FAAH2: variants seen among roughly 807,000 people sequenced by gnomAD.
FAAH2 encodes fatty acid amide hydrolase 2.
In FAAH2, 60 loss-of-function variants were observed where a neutral mutation model predicts 36.9. The ratio of observed to expected loss-of-function variants is 1.63; its 90% confidence interval spans 1.32 to 2.02. The LOEUF (loss-of-function observed/expected upper bound fraction) is 2.02. Ranked by LOEUF, FAAH2 falls within the 30% of genes most tolerant of loss-of-function variation. FAAH2 has a pLI of 0.00. For synonymous variants in FAAH2, 214 were observed against 143.8 expected (o/e 1.49, Z -3.49); for missense variants, 689 against 397.5 (o/e 1.73, Z -6.23).
intron 7 of FAAH2, among the ~76,000 whole-genome samples, chrX:57,407,043 C>G (rs765163447): frequency 8.9e-6 from 1 of 112,032 alleles, no homozygotes; most frequent in East Asian, 2.8e-4. Context: ...AGCATTGTAC[C>G]TGTGTTTCCT....
the FAAH2 span, among the ~76,000 whole-genome samples, chrX:57,208,912 C>T: frequency 1.8e-5 from 2 of 111,851 alleles, no homozygotes; most frequent in Non-Finnish European, 3.8e-5. Flanking sequence ...CCATGTGTTC[C>T]TTGCCCTCAT....
the FAAH2 span, among the ~76,000 whole-genome samples, chrX:57,144,283 G>A: frequency 9.1e-6 from 1 of 110,414 alleles, no homozygotes; most frequent in Non-Finnish European, 1.9e-5. Flanking sequence ...TATATGCCTT[G>A]CAGTCATCTT....
At chrX:57,222,794 T>C in the FAAH2 span, among the ~76,000 whole-genome samples, 1 of 111,556 alleles carries the variant, frequency 9.0e-6, no homozygotes, top group African/African-American at 3.3e-5. Context: ...TGTTCAAACC[T>C]TCCTTATACC....
chrX:57,362,393 C>T (rs2147144019), intron 5 of FAAH2, among the ~76,000 whole-genome samples: 1 of 110,874 alleles, frequency 9.0e-6, no homozygotes, highest in South Asian at 3.9e-4. Context: ...AGGAGAAATA[C>T]CTAATGTAGA....
the FAAH2 span, among the ~76,000 whole-genome samples, chrX:57,251,811 A>G: frequency 8.9e-6 from 1 of 111,834 alleles, no homozygotes; most frequent in African/African-American, 3.3e-5. Flanking sequence ...TGCATTTCCA[A>G]CTGAGTTACC....
the FAAH2 span, chrX:57,137,398 C>G: frequency 1.6e-5 from 12 of 740,467 alleles, no homozygotes; most frequent in Non-Finnish European, 1.9e-5. Flanking sequence ...AGGCAAAGAG[C>G]ACTGCAGCGG....
chrX:57,133,112 C>T, the FAAH2 span, among the ~76,000 whole-genome samples: 4 of 111,839 alleles, frequency 3.6e-5, no homozygotes, highest in East Asian at 1.1e-3. Flanking sequence ...CTAGTTTCAG[C>T]TTCCCTCCTG....
chrX:57,344,278 T>C (rs1478312935), intron 5 of FAAH2, among the ~76,000 whole-genome samples: 1 of 111,303 alleles, frequency 9.0e-6, no homozygotes, highest in Non-Finnish European at 1.9e-5. Context: ...ATCTCATATT[T>C]TTTCAGCAGT....
rs752024184 is a variant in FAAH2 at position 57,387,750 on chromosome X, T to G, written c.996+6721T>G. Among the ~76,000 whole-genome samples the G allele has an allele frequency of 1.2e-4, 13 of 111,789 alleles. No homozygotes were observed. The East Asian group carries it at 3.6e-3, about 31-fold the overall frequency. ...TCCATCACAGTGATAAATGCATTTCTGAAACACCAACAGGCCTGCTGTTCT... is the reference window on the plus strand; with the variant it reads ...TCCATCACAGTGATAAATGCATTTCGGAAACACCAACAGGCCTGCTGTTCT... On this transcript the variant is annotated intron_variant, in intron 7 of 10. Transcript: ENST00000374900.
intron 7 of FAAH2, among the ~76,000 whole-genome samples, chrX:57,410,279 A>C (rs1051293808): frequency 9.0e-6 from 1 of 111,456 alleles, no homozygotes; most frequent in Non-Finnish European, 1.9e-5. Flanking sequence ...TTGTGGCCTA[A>C]CAAATTGTCT....
chrX:57,195,305 T>A, the FAAH2 span, among the ~76,000 whole-genome samples: 1 of 111,860 alleles, frequency 8.9e-6, no homozygotes, highest in African/African-American at 3.2e-5. Flanking sequence ...ATCGCCATTC[T>A]TGTAGGAGTA....
intron 7 of FAAH2, among the ~76,000 whole-genome samples, chrX:57,421,675 A>T (rs2056032014): frequency 9.0e-6 from 1 of 111,648 alleles, no homozygotes; most frequent in African/African-American, 3.3e-5. Context: ...AGTCACATTA[A>T]GGGTTAGGGT....
chrX:57,412,649 G>C (rs759073072), intron 7 of FAAH2, among the ~76,000 whole-genome samples: 1 of 112,100 alleles, frequency 8.9e-6, no homozygotes, highest in East Asian at 2.8e-4. Flanking sequence ...TTGGTTCCAA[G>C]TCTTTGCTAC....
At chrX:57,306,726 GTGTGTATA>G (rs751235027) in intron 2 of FAAH2, among the ~76,000 whole-genome samples, 2,656 of 42,359 alleles carry the variant, frequency 0.063, 39 homozygotes, top group Middle Eastern at 0.081. Flanking sequence ...GTGTGTGTGT[GTGTGTATA>G]TATATACACA....
the FAAH2 span, among the ~76,000 whole-genome samples, chrX:57,188,638 T>G: frequency 2.7e-4 from 30 of 110,771 alleles, no homozygotes; most frequent in East Asian, 1.1e-3. Context: ...TTCTTTTAAT[T>G]TTGATGTTAG....
At chrX:57,125,888 C>A in the FAAH2 span, among the ~76,000 whole-genome samples, 1 of 111,917 alleles carries the variant, frequency 8.9e-6, no homozygotes, top group Non-Finnish European at 1.9e-5. Flanking sequence ...ATGTGTTTAA[C>A]TATTTGTAAT....
chrX:57,347,142 T>C (rs2053844559), intron 5 of FAAH2, among the ~76,000 whole-genome samples: 1 of 111,792 alleles, frequency 8.9e-6, no homozygotes, highest in African/African-American at 3.2e-5. Context: ...TTATGGACTA[T>C]ATTTTCAAAT....
At chrX:57,422,484 A>T (rs892148515) in intron 7 of FAAH2, among the ~76,000 whole-genome samples, 1 of 112,199 alleles carries the variant, frequency 8.9e-6, no homozygotes, top group African/African-American at 3.2e-5. Context: ...CCAGTTGCTG[A>T]GTATATCTAT....
chrX:57,163,005 G>A, the FAAH2 span, among the ~76,000 whole-genome samples: 1 of 111,803 alleles, frequency 8.9e-6, no homozygotes, highest in Non-Finnish European at 1.9e-5. Flanking sequence ...TCTACTTTTG[G>A]TCTTTGATGA....
Sources: gnomAD v4.1 joint callset for allele counts (sites outside exome capture counted in the v4.1 genomes callset) on GRCh38, gnomAD v4.1.1 for gene constraint, MANE v1.5 for transcripts, NCBI Gene and HGNC (gene_info 2026-07-23, HGNC 2026-07-21) for gene names.